Variants in TMPRSS11D observed in about 807,000 individuals in gnomAD.
TMPRSS11D encodes the protein transmembrane serine protease 11D.
A neutral mutation model predicts 44.4 loss-of-function variants in TMPRSS11D; 32 were observed. The observed-to-expected ratio is 0.72, with a 90% CI of 0.54 to 0.97. The LOEUF (loss-of-function observed/expected upper bound fraction) is 0.97, where lower values mean the gene tolerates loss of function less well. Ranked by LOEUF, TMPRSS11D falls within the 50% of genes least tolerant of loss-of-function variation. TMPRSS11D has a pLI of 0.00. For missense variants in TMPRSS11D, 446 were observed against 502.6 expected (o/e 0.89, Z 1.08); for synonymous variants, 179 against 177.9 (o/e 1.01, Z -0.05).
At chr4:67,859,767 G>A (rs753516910) in intron 1 of TMPRSS11D, 89 bp from the exon 2 acceptor site, 58 of 1,520,416 alleles carry the variant, frequency 3.8e-5, no homozygotes, top group Non-Finnish European at 4.7e-5. Flanking sequence ...TGTCTTTCCC[G>A]GTCTCTTATC....
intron 2 of TMPRSS11D, among the ~76,000 whole-genome samples, chr4:67,857,858 G>A (rs527338483): frequency 1.2e-4 from 18 of 152,212 alleles, no homozygotes; most frequent in Non-Finnish European, 2.5e-4. Context: ...CTAGAAAAGA[G>A]GACTTGAGTT....
In TMPRSS11D at chr4:67,834,997, G is replaced by A. The variant is rs1718041045; in HGVS notation, c.514+86C>T. 6.5e-6 allele frequency: 8 copies of A among 1,238,966 alleles called. No individual in the cohort carries two copies. The African/African-American group carries it at 8.9e-5, about 14-fold the overall frequency. 76.7% of individuals were successfully genotyped at this position (1,238,966 alleles called of 1,614,324 possible). A position where few individuals can be genotyped will look rare whatever the true frequency, so the allele number is the denominator to read the frequency against. On this transcript the variant is annotated intron_variant, in intron 6 of 9. Coordinates refer to ENST00000283916, the MANE Select transcript of TMPRSS11D (RefSeq NM_004262.3). ...CAAAGACATCAACTTGATAGATACT[G>A]CCTTGGCCAAAAGTACACAAAAGAC... is the stretch of plus-strand genomic sequence containing the variant.
intron 3 of TMPRSS11D, among the ~76,000 whole-genome samples, chr4:67,850,651 A>G (rs908693490): frequency 5.9e-5 from 9 of 152,154 alleles, no homozygotes; most frequent in Non-Finnish European, 1.3e-4. Context: ...TTTATGTAGT[A>G]AAGGAGTGCA....
intron 1 of TMPRSS11D, among the ~76,000 whole-genome samples, chr4:67,879,807 T>C (rs533342612): frequency 3.1e-4 from 47 of 152,304 alleles, no homozygotes; most frequent in African/African-American, 1.1e-3. Flanking sequence ...GGAAAATCTA[T>C]TTCTAGGAAC....
chr4:67,829,534 T>C (rs184666732), intron 7 of TMPRSS11D, among the ~76,000 whole-genome samples: 1 of 150,904 alleles, frequency 6.6e-6, no homozygotes, highest in East Asian at 1.9e-4. Flanking sequence ...AAGGTAAAAA[T>C]AGAATGAATT....
intron 4 of TMPRSS11D, 36 bp downstream of exon 4, chr4:67,842,522 T>C (rs769398007): frequency 6.4e-7 from 1 of 1,555,272 alleles, no homozygotes; most frequent in African/African-American, 1.4e-5. Context: ...CCACATTGTA[T>C]CTATACTTAA....
At chr4:67,839,576 A>G (rs1718180747) in intron 4 of TMPRSS11D, among the ~76,000 whole-genome samples, 1 of 152,106 alleles carries the variant, frequency 6.6e-6, no homozygotes, top group South Asian at 2.1e-4. Context: ...AGTGCAAAAT[A>G]GGAAGTTGAA....
intron 4 of TMPRSS11D, among the ~76,000 whole-genome samples, chr4:67,841,549 T>C (rs1034282316): frequency 6.6e-6 from 1 of 152,144 alleles, no homozygotes; most frequent in African/African-American, 2.4e-5. Context: ...TATGGTGGTA[T>C]TGAAGCCAGG....
intron 5 of TMPRSS11D, among the ~76,000 whole-genome samples, chr4:67,836,352 G>A (rs1718089031): frequency 6.6e-6 from 1 of 152,014 alleles, no homozygotes; most frequent in African/African-American, 2.4e-5. Context: ...ATTTTTAATT[G>A]AGAAACCCAT....
At chr4:67,857,340 C>T (rs1718676470) in intron 2 of TMPRSS11D, among the ~76,000 whole-genome samples, 1 of 133,700 alleles carries the variant, frequency 7.5e-6, no homozygotes, top group South Asian at 2.5e-4. Context: ...CACACACACA[C>T]ACACACATAC....
intron 5 of TMPRSS11D, among the ~76,000 whole-genome samples, chr4:67,836,524 C>G (rs1247986105): frequency 6.6e-6 from 1 of 152,116 alleles, no homozygotes; most frequent in Non-Finnish European, 1.5e-5. Context: ...CTTCTGGAGA[C>G]AGAAAATTTT....
intron 9 of TMPRSS11D, among the ~76,000 whole-genome samples, chr4:67,823,484 C>T (rs1051870651): frequency 3.3e-5 from 5 of 152,138 alleles, no homozygotes; most frequent in Admixed American, 6.6e-5. Flanking sequence ...TGGTGAATAG[C>T]TCTCTGTACC....
chr4:67,835,009 A>G, intron 6 of TMPRSS11D, 74 bp downstream of exon 6: 1 of 1,396,450 alleles, frequency 7.2e-7, no homozygotes. Flanking sequence ...CTTGGCCAAA[A>G]GTACACAAAA....
At chr4:67,822,580 G>A in intron 9 of TMPRSS11D, 82 bp from the exon 10 acceptor site, 2 of 1,445,786 alleles carry the variant, frequency 1.4e-6, no homozygotes, top group African/African-American at 1.4e-5. Flanking sequence ...TGGCAGTCGA[G>A]GAAGGAGTCA....
chr4:67,837,761 C>T (rs1036966011), intron 5 of TMPRSS11D, among the ~76,000 whole-genome samples: 10 of 151,934 alleles, frequency 6.6e-5, no homozygotes, highest in African/African-American at 2.4e-4. Context: ...ACAAAATTTA[C>T]ACAGATAACT....
At chr4:67,835,254 T>C (rs766486606) in intron 5 of TMPRSS11D, 133 bp from the exon 6 acceptor site, 2 of 724,944 alleles carry the variant, frequency 2.8e-6, no homozygotes, top group Admixed American at 5.3e-5. Context: ...TCCTCTAAAA[T>C]GCAGATTCCT....
chr4:67,842,633 A>G lies in TMPRSS11D; in HGVS notation c.250-8T>C. 1 of 1,604,262 alleles carries G rather than the reference A, an allele frequency of 6.2e-7. No homozygotes were observed. The highest frequency in any genetic ancestry group is 1.3e-5 in the African/African-American group (1 of 74,490). ...TTTGAATGTTTTAGTAATCTGTAGA[A>G]AGAAAGAGAGGGGGAATCTCTCTGT... is the stretch of plus-strand genomic sequence containing the variant. On this transcript the variant is annotated splice_polypyrimidine_tract_variant and splice_region_variant and intron_variant, in intron 3 of 9. Transcript: ENST00000283916.
rs1260102961 is a variant in TMPRSS11D, at chr4:67,842,635, G to GA, written c.250-11dup. 6.2e-7 allele frequency: 1 copy of GA among 1,601,174 alleles called. No homozygotes were observed. Among genetic ancestry groups the GA allele is most frequent in the African/African-American group, 1.3e-5 (1 of 74,348 alleles). On this transcript the variant is annotated splice_polypyrimidine_tract_variant and intron_variant, in intron 3 of 9. Transcript: ENST00000283916. The stretch of plus-strand genomic sequence containing the variant: ...TGAATGTTTTAGTAATCTGTAGAAA[G>GA]AAAGAGAGGGGGAATCTCTCTGTAA...
chr4:67,831,981 A>G (rs1717956803), intron 7 of TMPRSS11D, among the ~76,000 whole-genome samples: 1 of 152,284 alleles, frequency 6.6e-6, no homozygotes, highest in South Asian at 2.1e-4. Flanking sequence ...TGTACCATGA[A>G]GTAGTGCCTA....
Sources: gnomAD v4.1 joint callset for allele counts (sites outside exome capture counted in the v4.1 genomes callset) on GRCh38, gnomAD v4.1.1 for gene constraint, MANE v1.5 for transcripts, NCBI Gene and HGNC (gene_info 2026-07-23, HGNC 2026-07-21) for gene names.